Variants in MYCBP2 observed in about 807,000 individuals in gnomAD.
MYCBP2 encodes MYC binding protein 2.
A neutral mutation model predicts 525.3 loss-of-function variants in MYCBP2; 120 were observed. The ratio of observed to expected loss-of-function variants is 0.23; its 90% CI spans 0.20 to 0.27. MYCBP2 has a LOEUF of 0.27. Ranked by LOEUF, MYCBP2 falls within the 10% of genes least tolerant of loss-of-function variation. The pLI, the probability that MYCBP2 is intolerant of heterozygous loss-of-function variation, is 1.00. For synonymous variants in MYCBP2, 1,894 were observed against 1,955.8 expected, an observed-to-expected ratio of 0.97 and a Z score of 0.83; for missense variants, 4,149 against 5,657.1, an observed-to-expected ratio of 0.73 and a Z score of 8.55.
chr13:77,282,348 T>C (rs576237517), intron 3 of MYCBP2, among the ~76,000 whole-genome samples: 75 of 150,456 alleles, frequency 5.0e-4, no homozygotes, highest in African/African-American at 1.7e-3. Context: ...AGGTGGAGGC[T>C]GCAGTGAGCC....
At chr13:77,247,196 T>C (rs775657148) in intron 15 of MYCBP2, among the ~76,000 whole-genome samples, 64 of 152,138 alleles carry the variant, frequency 4.2e-4, no homozygotes, top group Admixed American at 7.2e-4. Flanking sequence ...TACAATCTCA[T>C]AAGTAGAAAA....
intron 34 of MYCBP2, among the ~76,000 whole-genome samples, chr13:77,178,266 A>G (rs1482983904): frequency 3.9e-5 from 6 of 152,226 alleles, no homozygotes; most frequent in Admixed American, 3.9e-4. Flanking sequence ...CAGACTTTGA[A>G]AAGAGATGCT....
chr13:77,090,169 G>C lies in MYCBP2; in HGVS notation c.10462C>G (p.His3488Asp). Residue 3488 changes from histidine to aspartate, a missense_variant, in exon 60 of 83, where the codon CAC becomes GAC. Physicochemically the swap from His to Asp is moderately conservative, Grantham distance 81 (BLOSUM62 -1). Around this residue, in one of 21 missense-constraint regions of MYCBP2, gnomAD observed 509 missense variants for 789.4 expected, o/e 0.64. Coordinates refer to ENST00000544440, the MANE Select transcript of MYCBP2 (RefSeq NM_015057.5). ...SVVASEYDKQHSILPARVKAI... is the reference protein window; with the variant it reads ...SVVASEYDKQDSILPARVKAI... Reference sequence around the variant, plus strand: ...TTAACTCGTGCAGGTAAAATGGAGTGTTGTTTATCATATTCGGAAGCAACA... The same window carrying C: ...TTAACTCGTGCAGGTAAAATGGAGTCTTGTTTATCATATTCGGAAGCAACA... The C allele has an allele frequency of 6.2e-7, 1 of 1,612,778 alleles. No individual in the cohort carries two copies. The highest frequency in any genetic ancestry group is 8.5e-7 in the Non-Finnish European group (1 of 1,179,238).
chr13:77,171,416 C>T, intron 38 of MYCBP2, 76 bp downstream of exon 38: 1 of 1,411,606 alleles, frequency 7.1e-7, no homozygotes. Flanking sequence ...TAGAAGGCTC[C>T]TCTTCAATAA....
chr13:77,055,768 C>A lies in MYCBP2; in HGVS notation c.13438-1G>T. ...TTAGTACTATGTGATTAATTTTGTT[C>A]TGCAATAAAAAATGAACACTCTTTA... is the stretch of plus-strand genomic sequence containing the variant. On this transcript the variant is annotated splice_acceptor_variant, in intron 79 of 82. Transcript: ENST00000544440. LOFTEE classifies it high-confidence loss of function. 6.2e-7 allele frequency: 1 copy of A among 1,604,768 alleles called. No homozygotes were observed. Among genetic ancestry groups the A allele is most frequent in the South Asian group, 1.1e-5 (1 of 90,208 alleles).
At chr13:77,069,415 G>A (rs560162756) in intron 69 of MYCBP2, among the ~76,000 whole-genome samples, 1 of 152,214 alleles carries the variant, frequency 6.6e-6, no homozygotes, top group African/African-American at 2.4e-5. Flanking sequence ...GAGATCAGGA[G>A]ATCGAGACCA....
intron 68 of MYCBP2, among the ~76,000 whole-genome samples, chr13:77,072,300 G>GAAAAAAAAAAAAAA (rs56238720): frequency 8.3e-6 from 1 of 121,192 alleles, no homozygotes; most frequent in Non-Finnish European, 1.7e-5. Flanking sequence ...CAAAAAAAAA[G>GAAAAAAAAAAAAAA]AAAAAAAAAA....
intron 4 of MYCBP2, among the ~76,000 whole-genome samples, chr13:77,278,076 G>A (rs2075822033): frequency 6.6e-6 from 1 of 152,136 alleles, no homozygotes; most frequent in Non-Finnish European, 1.5e-5. Flanking sequence ...AAGTTGCTAA[G>A]TCAGAAGTTT....
chr13:77,310,074 T>C (rs551205355), intron 1 of MYCBP2, among the ~76,000 whole-genome samples: 4 of 152,192 alleles, frequency 2.6e-5, no homozygotes, highest in South Asian at 2.1e-4. Flanking sequence ...ATCGCCCCAC[T>C]GCACTCCAGC....
chr13:77,286,919 C>G (rs1401300763), intron 3 of MYCBP2, among the ~76,000 whole-genome samples: 1 of 145,690 alleles, frequency 6.9e-6, no homozygotes, highest in Non-Finnish European at 1.5e-5. Flanking sequence ...GAGTCTAGCT[C>G]TGTTGTCCAG....
chr13:77,294,111 T>TATATATATAC (rs2077815180), intron 2 of MYCBP2, among the ~76,000 whole-genome samples: 2 of 54,470 alleles, frequency 3.7e-5, no homozygotes, highest in African/African-American at 8.9e-5. Flanking sequence ...TGGCTATATA[T>TATATATATAC]ATATATATAT....
chr13:77,307,209 C>A (rs2079550232), intron 1 of MYCBP2, among the ~76,000 whole-genome samples: 1 of 152,114 alleles, frequency 6.6e-6, no homozygotes, highest in Non-Finnish European at 1.5e-5. Context: ...TTACTCTATC[C>A]AAGTATGCAC....
intron 40 of MYCBP2, among the ~76,000 whole-genome samples, chr13:77,167,363 A>G (rs186635845): frequency 6.6e-6 from 1 of 152,196 alleles, no homozygotes; most frequent in Non-Finnish European, 1.5e-5. Flanking sequence ...CCAGAAAGCA[A>G]GGAAGCTAGG....
intron 26 of MYCBP2, among the ~76,000 whole-genome samples, chr13:77,197,832 A>G (rs535868531): frequency 6.6e-6 from 1 of 152,336 alleles, no homozygotes; most frequent in East Asian, 1.9e-4. Flanking sequence ...GCCTTAGCCC[A>G]CTCACTGGAT....
Position 77,102,563 on chromosome 13 carries a change from C to T in MYCBP2, c.8141-3550G>A, listed in dbSNP as rs148509999. On this transcript the variant is annotated intron_variant, in intron 55 of 82. Transcript: ENST00000544440. ...AGGCATCTGTAGTGTTTCAAAAAAC[C>T]AAAAACATATTTTTAAATTGTCTGA... is the stretch of plus-strand genomic sequence containing the variant. Among the ~76,000 whole-genome samples the T allele has an allele frequency of 3.9e-3, 592 of 151,002 alleles. 6 individuals are homozygous for T. Among genetic ancestry groups the T allele is most frequent in the African/African-American group, 0.013 (534 of 41,358 alleles).
intron 14 of MYCBP2, 101 bp from the exon 15 acceptor site, chr13:77,251,456 C>G (rs571033311): frequency 2.1e-6 from 2 of 952,668 alleles, no homozygotes; most frequent in African/African-American, 1.6e-5. Context: ...CATGCTAATC[C>G]AAGCAATTAT....
chr13:77,228,051 T>C (rs565175346), intron 18 of MYCBP2, among the ~76,000 whole-genome samples: 69 of 151,982 alleles, frequency 4.5e-4, no homozygotes, highest in Non-Finnish European at 3.8e-4. Flanking sequence ...TTAAAATATA[T>C]ATTTTATATA....
At chr13:77,148,240 A>G in intron 47 of MYCBP2, among the ~76,000 whole-genome samples, 1 of 152,034 alleles carries the variant, frequency 6.6e-6, no homozygotes, top group East Asian at 1.9e-4. Flanking sequence ...TCATAATGAG[A>G]TTATTAATTT....
In MYCBP2 at chr13:77,174,238, A is replaced by G; in HGVS notation, c.5651+73T>C. On this transcript the variant is annotated intron_variant, in intron 37 of 82. Coordinates refer to ENST00000544440, the MANE Select transcript of MYCBP2 (RefSeq NM_015057.5). ...TTTAATTATAAGTATCCAGTTAGCA[A>G]TTTTACCTGGTAGTAGACTGTGTAT... 5 of 1,435,090 alleles carry G rather than the reference A, an allele frequency of 3.5e-6. No individual in the cohort carries two copies. In the South Asian group the frequency reaches 7.1e-5, roughly 20 times the overall value. The allele number at this position is 1,435,090 out of a possible 1,614,324, so 88.9% of individuals were successfully genotyped here.
Sources: gnomAD v4.1 joint callset for allele counts (sites outside exome capture counted in the v4.1 genomes callset) on GRCh38, gnomAD v4.1.1 for gene constraint, gnomAD v4.1.1 regional missense constraint, MANE v1.5 for transcripts, NCBI Gene and HGNC (gene_info 2026-07-23, HGNC 2026-07-21) for gene names.